The following ING5 variants were observed in gnomAD, a reference collection of about 807,000 sequenced individuals.
The protein encoded by ING5 is inhibitor of growth family member 5.
A neutral mutation model predicts 37.4 loss-of-function variants in ING5; 17 were observed. The ratio of observed to expected loss-of-function variants is 0.45; its 90% confidence interval spans 0.31 to 0.68. ING5 has a LOEUF of 0.68. ING5 is among the 30% of genes least tolerant of loss of function. The probability of loss-of-function intolerance (pLI) is 0.05; values close to 1 mark genes in which losing one functional copy is unlikely to be tolerated. For synonymous variants in ING5, 123 were observed against 116.6 expected, an observed-to-expected ratio of 1.06 and a Z score of -0.36; for missense variants, 233 against 311.9, an observed-to-expected ratio of 0.75 and a Z score of 1.91.
intron 1 of ING5, among the ~76,000 whole-genome samples, chr2:241,704,265 G>T (rs1432938291): frequency 6.6e-6 from 1 of 152,174 alleles, no homozygotes; most frequent in Non-Finnish European, 1.5e-5. Flanking sequence ...TGGGCTTGTA[G>T]ACTTGAAGTA....
At chr2:241,718,590 T>C (rs1169675112) in intron 5 of ING5, among the ~76,000 whole-genome samples, 2 of 151,942 alleles carry the variant, frequency 1.3e-5, no homozygotes, top group African/African-American at 2.4e-5. Flanking sequence ...TAATTTTGTA[T>C]TTTTAGTATA....
At chr2:241,721,142 T>C in intron 5 of ING5, 1 of 985,562 alleles carries the variant, frequency 1.0e-6, no homozygotes, top group Non-Finnish European at 1.2e-6. Context: ...GGTGCTGCCC[T>C]GCTCTCCGCG....
At chr2:241,710,157 A>C (rs1297443575) in intron 3 of ING5, among the ~76,000 whole-genome samples, 1 of 151,910 alleles carries the variant, frequency 6.6e-6, no homozygotes, top group Non-Finnish European at 1.5e-5. Context: ...CCCAGGCTGG[A>C]GTGCAATGGT....
chr2:241,723,855 C>A, intron 7 of ING5: 1 of 1,536,226 alleles, frequency 6.5e-7, no homozygotes, highest in Non-Finnish European at 8.9e-7. Flanking sequence ...ACAAAAAATA[C>A]AAAAATTAGC....
At chr2:241,693,299 C>T (rs2069584310) in intron 2 of ING5, among the ~76,000 whole-genome samples, 1 of 147,924 alleles carries the variant, frequency 6.8e-6, no homozygotes. Flanking sequence ...GCCCTATCTA[C>T]AAACAGTCAC....
chr2:241,701,140 T>C (rs2069715360), upstream of ING5, among the ~76,000 whole-genome samples: 1 of 147,316 alleles, frequency 6.8e-6, no homozygotes, highest in Non-Finnish European at 1.5e-5. Flanking sequence ...TTTTTTGTAT[T>C]TTTAGTAGAG....
upstream of ING5, among the ~76,000 whole-genome samples, chr2:241,700,281 C>G (rs1171690949): frequency 1.3e-5 from 2 of 151,648 alleles, no homozygotes; most frequent in South Asian, 2.1e-4. Flanking sequence ...CTCGGCCGCC[C>G]GAGTAGCTGG....
At chr2:241,722,829 C>T in intron 5 of ING5, 110 bp from the exon 6 acceptor site, 1 of 1,543,536 alleles carries the variant, frequency 6.5e-7, no homozygotes, top group East Asian at 2.3e-5. Context: ...ATTGTCTTCA[C>T]AGTTTTGGGG....
chr2:241,708,874 A>C (rs1214118742), intron 2 of ING5, among the ~76,000 whole-genome samples: 2 of 152,234 alleles, frequency 1.3e-5, no homozygotes, highest in African/African-American at 4.8e-5. Context: ...GAAAAAAAGA[A>C]AAGGGAAAAA....
intron 2 of ING5, among the ~76,000 whole-genome samples, chr2:241,693,652 C>CTTTTTTTTTTTTTTTT (rs1185556171): frequency 1.3e-5 from 1 of 78,538 alleles, no homozygotes; most frequent in Non-Finnish European, 2.3e-5. Context: ...AAATACAACT[C>CTTTTTTTTTTTTTTTT]TTTTTTTTTT....
intron 2 of ING5, 82 bp from the exon 3 acceptor site, chr2:241,709,134 G>T: frequency 1.4e-6 from 2 of 1,448,064 alleles, no homozygotes; most frequent in Non-Finnish European, 1.9e-6. Context: ...ACTTGGCGTT[G>T]GCTGACTTTA....
intron 2 of ING5, among the ~76,000 whole-genome samples, chr2:241,696,737 T>G (rs2069635572): frequency 6.6e-6 from 1 of 152,004 alleles, no homozygotes; most frequent in South Asian, 2.1e-4. Flanking sequence ...GAGCCATGAT[T>G]GTGCCACTGC....
At chr2:241,717,847 G>A (rs979254727) in intron 5 of ING5, among the ~76,000 whole-genome samples, 20 of 152,032 alleles carry the variant, frequency 1.3e-4, no homozygotes, top group African/African-American at 4.8e-4. Context: ...ATCGAATTTG[G>A]AAAATTTTCA....
intron 5 of ING5, chr2:241,722,334 G>A (rs562272166): frequency 1.2e-5 from 12 of 985,348 alleles, no homozygotes; most frequent in East Asian, 1.1e-4. Context: ...AGAGGTCCCC[G>A]GGGGAGTCCT....
At chr2:241,723,890 G>T in intron 7 of ING5, 1 of 1,404,198 alleles carries the variant, frequency 7.1e-7, no homozygotes, top group East Asian at 2.3e-5. Flanking sequence ...CGTGCCTGTG[G>T]TCCCAACTAC....
At chr2:241,722,282 GC>G (rs1346043432) in intron 5 of ING5, 2 of 985,306 alleles carry the variant, frequency 2.0e-6, no homozygotes, top group African/African-American at 3.5e-5. Context: ...TTCCAAAGGG[GC>G]CGGGGTCTTT....
chr2:241,700,663 G>C (rs1027416364), upstream of ING5, among the ~76,000 whole-genome samples: 4 of 151,898 alleles, frequency 2.6e-5, no homozygotes, highest in Non-Finnish European at 2.9e-5. Context: ...TCTTGCTCTT[G>C]TCACCCAAGC....
chr2:241,724,682 G>A, intron 7 of ING5: 1 of 448,834 alleles, frequency 2.2e-6, no homozygotes, highest in Non-Finnish European at 4.1e-6. Flanking sequence ...CAGACAGAGG[G>A]CACCAGCGAC....
chr2:241,698,531 GT>G (rs2069665700), upstream of ING5, among the ~76,000 whole-genome samples: 6 of 144,104 alleles, frequency 4.2e-5, no homozygotes, highest in Non-Finnish European at 7.7e-5. Flanking sequence ...GTGTGTGTGT[GT>G]GTGTGTGGAG....
Sources: allele counts gnomAD v4.1 joint callset (sites outside exome capture counted in the v4.1 genomes callset), GRCh38; gene constraint gnomAD v4.1.1; transcripts MANE v1.5; gene names NCBI Gene and HGNC (gene_info 2026-07-23, HGNC 2026-07-21).